Variants in EXOSC4 observed in about 807,000 individuals in gnomAD.
EXOSC4 encodes the protein exosome complex component RRP41.
Under a neutral mutation model 20.0 loss-of-function variants are expected in EXOSC4, and 14 were observed. The ratio of observed to expected loss-of-function variants is 0.70; its 90% CI spans 0.46 to 1.09. The LOEUF (loss-of-function observed/expected upper bound fraction) is 1.09. EXOSC4 is among the 50% of genes least tolerant of loss of function. EXOSC4 has a pLI of 0.00. For missense variants in EXOSC4, 337 were observed against 334.0 expected (o/e 1.01, Z -0.07); for synonymous variants, 148 against 146.4 (o/e 1.01, Z -0.08).
chr8:144,078,993 C>T lies in EXOSC4; in HGVS notation c.171+94C>T, dbSNP rs1170670535. The T allele has an allele frequency of 7.7e-7, 1 of 1,300,750 alleles. No homozygotes were observed. Among genetic ancestry groups the T allele is most frequent in the African/African-American group, 1.6e-5 (1 of 64,412 alleles). The allele number at this position is 1,300,750 out of a possible 1,614,324, so 80.6% of individuals were successfully genotyped here. ...GCTCGGGGACTTGAGGGGCAACGGCCGGCGCGCCTCAGTCTACACAGCCGA... is the reference window on the plus strand; with the variant it reads ...GCTCGGGGACTTGAGGGGCAACGGCTGGCGCGCCTCAGTCTACACAGCCGA... On this transcript the variant is annotated intron_variant, in intron 1 of 2. Transcript: ENST00000316052. This position sits in a 1 kb window ranked among gnomAD's most constrained non-coding sequence, Gnocchi z 4.7.
upstream of EXOSC4, among the ~76,000 whole-genome samples, chr8:144,074,760 G>C (rs1472992186): frequency 6.6e-6 from 1 of 152,042 alleles, no homozygotes; most frequent in Non-Finnish European, 1.5e-5. Context: ...TTTTTGTAGA[G>C]ATAGTGTGTC....
chr8:144,080,349 T>C lies in EXOSC4; in HGVS notation c.486T>C (p.Ala162=), dbSNP rs2129927485. The C allele has an allele frequency of 6.2e-7, 1 of 1,613,394 alleles. No individual in the cohort carries two copies. Among genetic ancestry groups the C allele is most frequent in the Non-Finnish European group, 8.5e-7 (1 of 1,180,032 alleles). The change falls in exon 3 of 3, where the codon GCT becomes GCC. Residue 162 remains alanine (A), a synonymous_variant. Coordinates refer to ENST00000316052, the MANE Select transcript of EXOSC4 (RefSeq NM_019037.3). The surrounding 1 kb of genome is among the most constrained non-coding windows in gnomAD (Gnocchi z 4.9). ...PMRDFVCACS[A]GFVDGTALAD... is the part of the protein sequence containing the mutation. The stretch of plus-strand genomic sequence containing the variant: ...GAGACTTTGTGTGTGCGTGCTCAGC[T>C]GGCTTCGTGGACGGCACAGCCCTGG...
upstream of EXOSC4, among the ~76,000 whole-genome samples, chr8:144,074,625 C>G (rs928893943): frequency 6.6e-6 from 1 of 152,060 alleles, no homozygotes; most frequent in Non-Finnish European, 1.5e-5. Context: ...GCAGGAGTAC[C>G]GTGGCACGAT....
chr8:144,079,880 C>T (rs1554763226), intron 1 of EXOSC4, 63 bp from the exon 2 acceptor site: 1 of 1,508,434 alleles, frequency 6.6e-7, no homozygotes, highest in South Asian at 1.1e-5. Flanking sequence ...GGCAGACCCA[C>T]AGAGGACAGT....
rs1263853749 is a variant in EXOSC4, at chr8:144,079,953, C to T, written c.182C>T (p.Ser61Phe). Residue 61 changes from serine (S) to phenylalanine (F), a missense_variant, in exon 2 of 3, where the codon TCC (serine) becomes TTC (phenylalanine). Ser to Phe is a radical substitution (Grantham distance 155). Transcript: ENST00000316052. ...VVYGPHEIRGSRARALPDRAL... is the reference protein window; with the variant it reads ...VVYGPHEIRGFRARALPDRAL... ...TCTGTCCTCTTCCAGATCCGGGGCTCCCGGGCTCGAGCCCTGCCGGACAGG... is the reference window on the plus strand; with the variant it reads ...TCTGTCCTCTTCCAGATCCGGGGCTTCCGGGCTCGAGCCCTGCCGGACAGG... 1.2e-6 allele frequency: 2 copies of T among 1,614,008 alleles called. No homozygotes were observed. The highest frequency in any genetic ancestry group is 1.7e-6 in the Non-Finnish European group (2 of 1,180,022).
chr8:144,078,631 C>G, upstream of EXOSC4: 1 of 1,297,772 alleles, frequency 7.7e-7, no homozygotes, highest in Non-Finnish European at 1.0e-6. This position sits in a 1 kb window ranked among gnomAD's most constrained non-coding sequence, Gnocchi z 4.7. Context: ...GGCGGACCTC[C>G]GGAAACCGTA....
the EXOSC4 span, among the ~76,000 whole-genome samples, chr8:144,065,977 G>GT: frequency 0.014 from 1,907 of 139,236 alleles, 44 homozygotes; most frequent in African/African-American, 0.042. Context: ...TGCCTGGCTA[G>GT]TTTTTTTGTT....
At chr8:144,078,575 A>G, upstream of EXOSC4, 1 of 755,700 alleles carries the variant, frequency 1.3e-6, no homozygotes, top group Non-Finnish European at 1.9e-6. This position sits in a 1 kb window ranked among gnomAD's most constrained non-coding sequence, Gnocchi z 4.7. Flanking sequence ...AGATCCACGG[A>G]GGTCAGGGCC....
chr8:144,077,937 G>T (rs1370333773), upstream of EXOSC4: 1 of 152,248 alleles, frequency 6.6e-6, no homozygotes, highest in Non-Finnish European at 1.5e-5. Flanking sequence ...GGCAGCAACT[G>T]TAGGAGAGAT....
chr8:144,072,947 G>A, the EXOSC4 span, among the ~76,000 whole-genome samples: 4 of 152,196 alleles, frequency 2.6e-5, no homozygotes, highest in Non-Finnish European at 4.4e-5. Flanking sequence ...CTTTGAAGGG[G>A]CCCAGACTCT....
At chr8:144,069,340 A>G in the EXOSC4 span, among the ~76,000 whole-genome samples, 1 of 152,240 alleles carries the variant, frequency 6.6e-6, no homozygotes, top group Admixed American at 6.5e-5. Flanking sequence ...CAAAAGTCCA[A>G]GATGAGTCTT....
In EXOSC4 at chr8:144,080,371, C is replaced by G. The variant is rs782670087; in HGVS notation, c.508C>G (p.Leu170Val). 3.7e-6 allele frequency: 6 copies of G among 1,612,536 alleles called. No homozygotes were observed. The African/African-American group carries it at 8.0e-5, about 22-fold the overall frequency. ...CSAGFVDGTA[L>V]ADLSHVEEAA... is the part of the protein sequence containing the mutation. ...AGCTGGCTTCGTGGACGGCACAGCC[C>G]TGGCGGACCTCAGCCATGTGGAGGA... Residue 170 changes from leucine (L) to valine (V), a missense_variant, in exon 3 of 3, where the codon CTG (leucine) becomes GTG (valine). Coordinates refer to ENST00000316052, the MANE Select transcript of EXOSC4 (RefSeq NM_019037.3). This position sits in a 1 kb window ranked among gnomAD's most constrained non-coding sequence, Gnocchi z 4.9.
the EXOSC4 span, among the ~76,000 whole-genome samples, chr8:144,066,400 G>A: frequency 1.3e-5 from 2 of 148,332 alleles, no homozygotes; most frequent in African/African-American, 5.0e-5. Context: ...GATTACAGGT[G>A]TGAGCCACCA....
At chr8:144,068,302 G>A in the EXOSC4 span, among the ~76,000 whole-genome samples, 1 of 152,156 alleles carries the variant, frequency 6.6e-6, no homozygotes, top group African/African-American at 2.4e-5. Context: ...TCTGACTGGA[G>A]GCTACGCTTC....
rs1022397417 is a variant in EXOSC4 at position 144,078,856 on chromosome 8, A to G, written c.128A>G (p.Gln43Arg). 10 of 1,556,708 alleles carry G rather than the reference A, an allele frequency of 6.4e-6. No individual in the cohort carries two copies. Among genetic ancestry groups the G allele is most frequent in the East Asian group, 2.6e-5 (1 of 38,912 alleles). ...GCTGACGGCTCGGCCTACATTGAGC[A>G]GGGCAACACCAAGGCACTGGCTGTG... Reference protein sequence around the residue: ...AQADGSAYIEQGNTKALAVVY... With the variant: ...AQADGSAYIERGNTKALAVVY... The change falls in exon 1 of 3, where the codon CAG becomes CGG. Residue 43 changes from glutamine to arginine, a missense_variant. Physicochemically the swap from Gln to Arg is conservative, Grantham distance 43 (BLOSUM62 1). Coordinates refer to ENST00000316052, the MANE Select transcript of EXOSC4 (RefSeq NM_019037.3). The surrounding 1 kb of genome is among the most constrained non-coding windows in gnomAD (Gnocchi z 4.7).
upstream of EXOSC4, among the ~76,000 whole-genome samples, chr8:144,075,296 G>A (rs1173450844): frequency 4.0e-5 from 6 of 151,448 alleles, no homozygotes; most frequent in Non-Finnish European, 7.4e-5. Flanking sequence ...GTGCGATTTC[G>A]GCTCACTGCA....
the EXOSC4 span, among the ~76,000 whole-genome samples, chr8:144,066,608 A>AT: frequency 7.3e-5 from 11 of 150,022 alleles, no homozygotes; most frequent in Non-Finnish European, 1.6e-4. Context: ...TGCCTGGCTA[A>AT]TTTTTTTGTA....
upstream of EXOSC4, chr8:144,078,598 AG>A: frequency 9.7e-7 from 1 of 1,032,192 alleles, no homozygotes; most frequent in Admixed American, 4.1e-5. This position sits in a 1 kb window ranked among gnomAD's most constrained non-coding sequence, Gnocchi z 4.7. Flanking sequence ...GGAGAGCTGT[AG>A]TTCCCCGGAA....
chr8:144,069,334 A>C, the EXOSC4 span, among the ~76,000 whole-genome samples: 28 of 152,244 alleles, frequency 1.8e-4, no homozygotes, highest in Non-Finnish European at 4.0e-4. Flanking sequence ...GGAGACCAAA[A>C]GTCCAAGATG....
Sources: allele counts gnomAD v4.1 joint callset (sites outside exome capture counted in the v4.1 genomes callset), GRCh38; gene constraint gnomAD v4.1.1; non-coding constraint Gnocchi (gnomAD v3.1); transcripts MANE v1.5; gene names NCBI Gene and HGNC (gene_info 2026-07-23, HGNC 2026-07-21).